HS3ST5: variants seen among roughly 807,000 people sequenced by gnomAD.
The protein encoded by HS3ST5 is heparan sulfate glucosamine 3-O-sulfotransferase 5.
A neutral mutation model predicts 25.4 loss-of-function variants in HS3ST5; 10 were observed. The observed-to-expected ratio is 0.39, with a 90% CI of 0.24 to 0.67. The LOEUF (loss-of-function observed/expected upper bound fraction) is 0.67, where lower values mean the gene tolerates loss of function less well. Ranked by LOEUF, HS3ST5 falls within the 30% of genes least tolerant of loss-of-function variation. The probability of loss-of-function intolerance (pLI) is 0.44; values close to 1 mark genes in which losing one functional copy is unlikely to be tolerated. For synonymous variants in HS3ST5, 170 were observed against 162.4 expected, an observed-to-expected ratio of 1.05 and a Z score of -0.36; for missense variants, 324 against 420.7, an observed-to-expected ratio of 0.77 and a Z score of 2.01.
At chr6:114,207,298 TGAAAA>T (rs1028949611) in intron 2 of HS3ST5, among the ~76,000 whole-genome samples, 17 of 152,118 alleles carry the variant, frequency 1.1e-4, no homozygotes, top group Non-Finnish European at 1.9e-4. Context: ...TAAAAAATGT[TGAAAA>T]GAAAAGGAGC....
intron 1 of HS3ST5, among the ~76,000 whole-genome samples, chr6:114,276,234 A>G (rs1773847993): frequency 6.6e-6 from 1 of 151,802 alleles, no homozygotes; most frequent in African/African-American, 2.4e-5. Context: ...AAGGTGAGAG[A>G]GCTGGGATTA....
intron 3 of HS3ST5, among the ~76,000 whole-genome samples, chr6:114,101,000 C>A (rs1009066273): frequency 6.6e-6 from 1 of 152,176 alleles, no homozygotes; most frequent in Non-Finnish European, 1.5e-5. Flanking sequence ...TAGTAATTGG[C>A]AAAGTGTTTT....
chr6:114,126,331 A>G (rs1777036939), intron 3 of HS3ST5, among the ~76,000 whole-genome samples: 1 of 151,886 alleles, frequency 6.6e-6, no homozygotes, highest in Non-Finnish European at 1.5e-5. Context: ...GTCCAACTTG[A>G]CTCCTTTTCC....
chr6:114,248,225 T>A (rs910916672), intron 1 of HS3ST5, among the ~76,000 whole-genome samples: 13 of 145,126 alleles, frequency 9.0e-5, no homozygotes, highest in South Asian at 8.6e-4. Flanking sequence ...AAAATATATA[T>A]ATATATATAT....
At chr6:114,289,527 C>T (rs1382874933) in intron 1 of HS3ST5, among the ~76,000 whole-genome samples, 1 of 152,140 alleles carries the variant, frequency 6.6e-6, no homozygotes, top group African/African-American at 2.4e-5. Context: ...ATATTCTCAA[C>T]TTCTTCCAGC....
chr6:114,305,599 GATT>G (rs1206129028), intron 1 of HS3ST5, among the ~76,000 whole-genome samples: 1 of 152,102 alleles, frequency 6.6e-6, no homozygotes, highest in Admixed American at 6.5e-5. Flanking sequence ...TCATCACACA[GATT>G]ATTAAAAAGA....
At chr6:114,321,175 C>T (rs1395590492) in intron 1 of HS3ST5, among the ~76,000 whole-genome samples, 3 of 152,038 alleles carry the variant, frequency 2.0e-5, no homozygotes, top group Admixed American at 6.6e-5. Flanking sequence ...ATATAGAATG[C>T]TCCACTTCCG....
intron 3 of HS3ST5, among the ~76,000 whole-genome samples, chr6:114,079,939 C>G (rs1245954163): frequency 6.6e-6 from 1 of 151,992 alleles, no homozygotes; most frequent in Non-Finnish European, 1.5e-5. Flanking sequence ...CCATGCCTGG[C>G]TAATTTTGTT....
intron 1 of HS3ST5, among the ~76,000 whole-genome samples, chr6:114,307,854 T>C (rs535681802): frequency 6.6e-6 from 1 of 152,006 alleles, no homozygotes; most frequent in Non-Finnish European, 1.5e-5. Context: ...TGTTTTTTGA[T>C]TGAAATGATT....
intron 1 of HS3ST5, among the ~76,000 whole-genome samples, chr6:114,341,638 G>T (rs1776879972): frequency 6.6e-6 from 1 of 150,702 alleles, no homozygotes; most frequent in South Asian, 2.1e-4. Context: ...GCATAAAGTG[G>T]GGCTGTGAGG....
At chr6:114,286,699 C>T (rs1774355006) in intron 1 of HS3ST5, among the ~76,000 whole-genome samples, 2 of 151,832 alleles carry the variant, frequency 1.3e-5, no homozygotes, top group South Asian at 4.1e-4. Flanking sequence ...ATTTTTTTCC[C>T]TCAAGCATAC....
chr6:114,148,565 G>C (rs1245466512), intron 3 of HS3ST5, among the ~76,000 whole-genome samples: 2 of 152,148 alleles, frequency 1.3e-5, no homozygotes, highest in African/African-American at 4.8e-5. Context: ...AGGTTGCAGA[G>C]AGCCAAGATC....
At chr6:114,235,038 G>T (rs748724780) in intron 1 of HS3ST5, among the ~76,000 whole-genome samples, 1 of 151,964 alleles carries the variant, frequency 6.6e-6, no homozygotes. Flanking sequence ...CAGGAGAATC[G>T]CTTGAACCTG....
In HS3ST5 at chr6:114,314,334, T is replaced by C. The variant is rs557229911; in HGVS notation, c.-339+27861A>G. Among the ~76,000 whole-genome samples, 9 of 152,340 alleles carry C rather than the reference T, an allele frequency of 5.9e-5. No homozygotes were observed. In the South Asian group the frequency reaches 1.9e-3, roughly 32 times the overall value. Reference sequence around the variant, plus strand: ...AGTTACTGGTCTAGACATCATACTTTAACAACCACTACTTTAGACATAGAC... The same window carrying C: ...AGTTACTGGTCTAGACATCATACTTCAACAACCACTACTTTAGACATAGAC... On this transcript the variant is annotated intron_variant, in intron 1 of 4. Coordinates refer to ENST00000312719, the MANE Select transcript of HS3ST5 (RefSeq NM_153612.4).
chr6:114,328,808 G>C (rs1776275919), intron 1 of HS3ST5, among the ~76,000 whole-genome samples: 1 of 152,190 alleles, frequency 6.6e-6, no homozygotes, highest in Non-Finnish European at 1.5e-5. Context: ...AGATGGGCTT[G>C]ATATTGAGAG....
chr6:114,077,497 A>G (rs893777727), intron 3 of HS3ST5, among the ~76,000 whole-genome samples: 1 of 152,168 alleles, frequency 6.6e-6, no homozygotes, highest in African/African-American at 2.4e-5. Context: ...TTAATCTTGC[A>G]TTTATATAGA....
chr6:114,213,152 T>A (rs183711767), intron 2 of HS3ST5, among the ~76,000 whole-genome samples: 8 of 152,126 alleles, frequency 5.3e-5, no homozygotes, highest in Non-Finnish European at 1.2e-4. Flanking sequence ...AGTTCGGCCA[T>A]CCCTGGTTGA....
rs543584814 is a variant in HS3ST5 at position 114,156,993 on chromosome 6, C to T, written c.-33+11358G>A. On this transcript the variant is annotated intron_variant, in intron 3 of 4. Coordinates refer to ENST00000312719, the MANE Select transcript of HS3ST5 (RefSeq NM_153612.4). ...AAAGGTTTCTCACCTGAACTCAACG[C>T]TATTTATTCAACACTTACATGTCTT... Among the ~76,000 whole-genome samples the T allele has an allele frequency of 1.8e-4, 28 of 152,268 alleles. No individual in the cohort carries two copies. In the South Asian group the frequency reaches 5.4e-3, roughly 29 times the overall value.
chr6:114,139,924 G>A (rs954961895), intron 3 of HS3ST5, among the ~76,000 whole-genome samples: 8 of 152,098 alleles, frequency 5.3e-5, no homozygotes, highest in South Asian at 2.1e-4. Context: ...GCTAGATGTC[G>A]GGTATCAGAC....
Sources: gnomAD v4.1 joint callset for allele counts (sites outside exome capture counted in the v4.1 genomes callset) on GRCh38, gnomAD v4.1.1 for gene constraint, MANE v1.5 for transcripts, NCBI Gene and HGNC (gene_info 2026-07-23, HGNC 2026-07-21) for gene names.